MYT1L: variants seen among roughly 807,000 people sequenced by gnomAD.
The protein encoded by MYT1L is myelin transcription factor 1 like.
A neutral mutation model predicts 126.7 loss-of-function variants in MYT1L; 12 were observed. The ratio of observed to expected loss-of-function variants is 0.09; its 90% CI spans 0.06 to 0.15. The LOEUF is 0.15. MYT1L is among the 10% of genes least tolerant of loss of function. The pLI, the probability that MYT1L is intolerant of heterozygous loss-of-function variation, is 1.00. For missense variants in MYT1L, 979 were observed against 1,585.2 expected (o/e 0.62, Z 6.49); for synonymous variants, 541 against 604.2 (o/e 0.90, Z 1.53).
At chr2:2,094,150 C>T (rs1447472807) in intron 3 of MYT1L, among the ~76,000 whole-genome samples, 1 of 152,142 alleles carries the variant, frequency 6.6e-6, no homozygotes, top group Admixed American at 6.5e-5. Context: ...GTTCTTTTGG[C>T]TTAGGATTGA....
intron 3 of MYT1L, among the ~76,000 whole-genome samples, chr2:2,061,256 G>A (rs932717414): frequency 1.4e-4 from 22 of 152,154 alleles, no homozygotes; most frequent in African/African-American, 5.3e-4. Flanking sequence ...TGTGGACCCT[G>A]CAGCCTGGCT....
At chr2:2,063,105 T>A (rs1435793898) in intron 3 of MYT1L, among the ~76,000 whole-genome samples, 3 of 152,188 alleles carry the variant, frequency 2.0e-5, no homozygotes, top group Non-Finnish European at 4.4e-5. Context: ...CTTGTGAGAT[T>A]TTTTAAATTT....
At chr2:1,977,203 T>A (rs1395893278) in intron 8 of MYT1L, among the ~76,000 whole-genome samples, 3 of 152,200 alleles carry the variant, frequency 2.0e-5, no homozygotes, top group Admixed American at 6.5e-5. Flanking sequence ...TCCCAGCGAA[T>A]GGGTTCCTCT....
rs1439059582 is a variant in MYT1L, at chr2:1,803,714, C to T, written c.3173-1915G>A. ...ACAGCCCTTTGTGGGAGCCTGGGAA[C>T]GTCTCAGTCCTGGGGCTGCCCACTG... On this transcript the variant is annotated intron_variant, in intron 22 of 24. Transcript: ENST00000647738. Among the ~76,000 whole-genome samples the T allele has an allele frequency of 3.9e-5, 6 of 152,208 alleles. No individual in the cohort carries two copies. In the South Asian group the frequency reaches 8.3e-4, roughly 21 times the overall value.
intron 1 of MYT1L, among the ~76,000 whole-genome samples, chr2:2,307,399 C>T (rs1483448472): frequency 1.3e-5 from 2 of 151,958 alleles, no homozygotes; most frequent in Admixed American, 1.3e-4. Flanking sequence ...TAATGACAGG[C>T]TACTCTAAAG....
intron 19 of MYT1L, among the ~76,000 whole-genome samples, chr2:1,844,383 T>C (rs532349821): frequency 6.6e-6 from 1 of 152,262 alleles, no homozygotes; most frequent in South Asian, 2.1e-4. Flanking sequence ...ACTAGAACTC[T>C]AGGAGCAATG....
At chr2:1,961,674 G>C (rs1206020679) in intron 8 of MYT1L, among the ~76,000 whole-genome samples, 2 of 152,216 alleles carry the variant, frequency 1.3e-5, no homozygotes, top group African/African-American at 4.8e-5. Context: ...AAATGTCTAT[G>C]ATTTTAAAAT....
intron 18 of MYT1L, among the ~76,000 whole-genome samples, chr2:1,854,918 A>C (rs559904451): frequency 6.6e-6 from 1 of 152,324 alleles, no homozygotes; most frequent in East Asian, 1.9e-4. Flanking sequence ...GAGCAGAGAC[A>C]TGCTGGAAAC....
In MYT1L at chr2:1,811,967, T is replaced by C. The variant is rs2036733944; in HGVS notation, c.3081-2800A>G. Reference sequence around the variant, plus strand: ...GCTTCTGAAGGCGAGCTGGATATTTTCATTTGTAAAATAAGAAGTTCTCAA... The same window carrying C: ...GCTTCTGAAGGCGAGCTGGATATTTCCATTTGTAAAATAAGAAGTTCTCAA... On this transcript the variant is annotated intron_variant, in intron 21 of 24. Transcript: ENST00000647738. This position sits in a 1 kb window ranked among gnomAD's most constrained non-coding sequence, Gnocchi z 4.4. 6.6e-6 allele frequency among the ~76,000 whole-genome samples: 1 copy of C among 152,236 alleles called. No individual in the cohort carries two copies. The highest frequency in any genetic ancestry group is 2.1e-4 in the South Asian group (1 of 4,830).
intron 3 of MYT1L, among the ~76,000 whole-genome samples, chr2:2,169,740 A>G (rs1406820233): frequency 6.6e-6 from 1 of 152,108 alleles, no homozygotes; most frequent in Non-Finnish European, 1.5e-5. Flanking sequence ...TGGTCCTGTC[A>G]AGTGGTCACG....
intron 21 of MYT1L, chr2:1,809,693 C>T (rs1054259743): frequency 2.0e-5 from 3 of 152,982 alleles, no homozygotes; most frequent in African/African-American, 7.2e-5. Context: ...AAGGTGAAAA[C>T]ATAACTGCAA....
chr2:2,000,273 T>G (rs2149639574), intron 4 of MYT1L, among the ~76,000 whole-genome samples: 1 of 152,220 alleles, frequency 6.6e-6, no homozygotes, highest in South Asian at 2.1e-4. Context: ...GTGCACAGAC[T>G]CCTGTCCCAG....
chr2:1,934,121 C>T (rs1362274674), intron 9 of MYT1L, among the ~76,000 whole-genome samples: 4 of 142,158 alleles, frequency 2.8e-5, no homozygotes, highest in Non-Finnish European at 6.5e-5. Context: ...ACTACAGGCA[C>T]CCGCCACCAC....
At chr2:2,024,702 G>A (rs954917514) in intron 4 of MYT1L, among the ~76,000 whole-genome samples, 17 of 152,080 alleles carry the variant, frequency 1.1e-4, no homozygotes, top group East Asian at 5.8e-4. Context: ...CTTTCCCCAC[G>A]CAGGCACCCA....
intron 8 of MYT1L, among the ~76,000 whole-genome samples, chr2:1,971,339 C>T (rs1417987403): frequency 6.6e-6 from 1 of 152,210 alleles, no homozygotes; most frequent in East Asian, 1.9e-4. Flanking sequence ...AGACAGGCAC[C>T]AGGCAAACTA....
chr2:1,938,514 T>C (rs771864265), intron 9 of MYT1L, among the ~76,000 whole-genome samples: 12 of 152,342 alleles, frequency 7.9e-5, no homozygotes, highest in Non-Finnish European at 1.3e-4. Context: ...AATATAACTT[T>C]GCTTAATTAA....
chr2:1,906,961 T>A (rs2051142138), intron 13 of MYT1L, among the ~76,000 whole-genome samples: 1 of 150,652 alleles, frequency 6.6e-6, no homozygotes, highest in Non-Finnish European at 1.5e-5. Context: ...ATAAAAAAAA[T>A]ATTAGCCAGG....
intron 3 of MYT1L, among the ~76,000 whole-genome samples, chr2:2,077,093 G>T (rs556392531): frequency 6.6e-6 from 1 of 152,106 alleles, no homozygotes; most frequent in African/African-American, 2.4e-5. Flanking sequence ...TAACAAATTT[G>T]ACCCTTAAGA....
At chr2:1,946,725 A>T (rs1024837541) in intron 8 of MYT1L, among the ~76,000 whole-genome samples, 10 of 152,248 alleles carry the variant, frequency 6.6e-5, no homozygotes. Context: ...TCAAATATGA[A>T]ATAAACAGAT....
Sources: allele counts gnomAD v4.1 joint callset (sites outside exome capture counted in the v4.1 genomes callset), GRCh38; gene constraint gnomAD v4.1.1; non-coding constraint Gnocchi (gnomAD v3.1); transcripts MANE v1.5; gene names NCBI Gene and HGNC (gene_info 2026-07-23, HGNC 2026-07-21).